Variants in GRHL1 observed in about 807,000 individuals in gnomAD.
The protein encoded by GRHL1 is grainyhead like transcription factor 1.
A neutral mutation model predicts 75.7 loss-of-function variants in GRHL1; 38 were observed. That is an observed-to-expected ratio of 0.50 (90% CI 0.39 to 0.66). GRHL1 has a LOEUF of 0.66. Among genes scored for constraint, GRHL1 ranks in the 30% least tolerant of loss-of-function variants. The pLI is 0.00. For synonymous variants in GRHL1, 266 were observed against 279.4 expected, an observed-to-expected ratio of 0.95 and a Z score of 0.48; for missense variants, 589 against 767.5, an observed-to-expected ratio of 0.77 and a Z score of 2.75.
intron 8 of GRHL1, among the ~76,000 whole-genome samples, chr2:9,978,777 G>A (rs1348386143): frequency 6.6e-6 from 1 of 152,098 alleles, no homozygotes; most frequent in Non-Finnish European, 1.5e-5. Flanking sequence ...GATCACCTGA[G>A]GTCAGGAGTT....
At chr2:9,962,388 A>G (rs752582957) in intron 4 of GRHL1, 67 bp from the exon 5 acceptor site, 1 of 867,306 alleles carries the variant, frequency 1.2e-6, no homozygotes, top group Non-Finnish European at 2.0e-6. Context: ...ATGCGGTACC[A>G]GAGCTTGGTC....
chr2:9,985,138 CTG>C (rs972323795), intron 8 of GRHL1, among the ~76,000 whole-genome samples: 3 of 151,706 alleles, frequency 2.0e-5, no homozygotes, highest in African/African-American at 7.3e-5. Flanking sequence ...ACTTTTGAAA[CTG>C]TGGGTTGAGA....
intron 10 of GRHL1, among the ~76,000 whole-genome samples, chr2:9,991,462 A>G (rs2125241537): frequency 6.6e-6 from 1 of 152,318 alleles, no homozygotes; most frequent in African/African-American, 2.4e-5. Context: ...GCAGCTGACT[A>G]ACTAGGAGAC....
At chr2:9,958,656 C>A in intron 2 of GRHL1, 130 bp from the exon 3 acceptor site, 1 of 654,138 alleles carries the variant, frequency 1.5e-6, no homozygotes, top group Non-Finnish European at 2.7e-6. Flanking sequence ...GTCCCCATAG[C>A]CTGGTGTTTG....
chr2:9,991,320 A>G (rs892056927), intron 10 of GRHL1, among the ~76,000 whole-genome samples: 6 of 152,088 alleles, frequency 3.9e-5, no homozygotes, highest in African/African-American at 1.4e-4. Context: ...GTAGGGTTCC[A>G]TCTGTAGTAC....
intron 2 of GRHL1, 129 bp from the exon 3 acceptor site, chr2:9,958,657 C>T: frequency 3.0e-6 from 2 of 657,996 alleles, no homozygotes; most frequent in Non-Finnish European, 5.4e-6. Context: ...TCCCCATAGC[C>T]TGGTGTTTGC....
chr2:9,997,202 T>C (rs1668902175), intron 14 of GRHL1, among the ~76,000 whole-genome samples: 1 of 152,208 alleles, frequency 6.6e-6, no homozygotes, highest in Non-Finnish European at 1.5e-5. Context: ...GCACTGGAGT[T>C]ATGCGCGTCA....
intron 8 of GRHL1, among the ~76,000 whole-genome samples, chr2:9,976,058 G>A (rs1030573519): frequency 6.6e-6 from 1 of 152,110 alleles, no homozygotes; most frequent in Non-Finnish European, 1.5e-5. Flanking sequence ...AAATACCACA[G>A]CAGCATGTAG....
intron 8 of GRHL1, among the ~76,000 whole-genome samples, chr2:9,967,794 GT>G (rs1034644758): frequency 9.6e-5 from 14 of 145,522 alleles, no homozygotes; most frequent in South Asian, 2.2e-4. Context: ...TGTATAGTTG[GT>G]TTTTTTTTTT....
At chr2:9,955,311 G>A (rs1045693554) in intron 2 of GRHL1, among the ~76,000 whole-genome samples, 1 of 152,232 alleles carries the variant, frequency 6.6e-6, no homozygotes. Flanking sequence ...ATGCAAAGCG[G>A]TCAGCTGCTG....
Position 9,990,623 on chromosome 2 carries a change from GT to G in GRHL1, c.1270-72del. Reference sequence around the variant, plus strand: ...GGGAGAAAGGCTTCTTCTTCCATTGGTCAGGATAAGAGTTAAATATTTTAAA... The same window carrying G: ...GGGAGAAAGGCTTCTTCTTCCATTGGCAGGATAAGAGTTAAATATTTTAAA... On this transcript the variant is annotated intron_variant, in intron 9 of 15. Transcript: ENST00000324907. The surrounding 1 kb of genome is among the most constrained non-coding windows in gnomAD (Gnocchi z 4.2). The G allele has an allele frequency of 1.1e-6, 1 of 871,838 alleles. No individual in the cohort carries two copies. Among genetic ancestry groups the G allele is most frequent in the East Asian group, 2.7e-5 (1 of 36,370 alleles). The allele number at this position is 871,838 out of a possible 1,614,324, so 54.0% of individuals were successfully genotyped here. A position where few individuals can be genotyped will look rare whatever the true frequency, so the allele number is the denominator to read the frequency against.
At chr2:9,960,439 C>CA (rs1479409966) in intron 3 of GRHL1, 1 of 143,288 alleles carries the variant, frequency 7.0e-6, no homozygotes, top group Admixed American at 7.0e-5. Context: ...GACTCTGTCT[C>CA]AAAAAAATAA....
chr2:9,964,429 G>C (rs1667403663), intron 7 of GRHL1, 83 bp downstream of exon 7: 2 of 726,670 alleles, frequency 2.8e-6, no homozygotes, highest in Non-Finnish European at 4.7e-6. Flanking sequence ...GCAGTGATCA[G>C]CTTCCTGCCG....
rs142314820 is a variant in GRHL1 at position 9,964,585 on chromosome 2, G to A, written c.1015+239G>A. The A allele has an allele frequency of 2.4e-3, 977 of 399,744 alleles. 8 individuals carry two copies. In the Middle Eastern group the frequency reaches 0.025, roughly 10 times the overall value. 24.8% of individuals were successfully genotyped at this position (399,744 alleles called of 1,614,324 possible). A position where few individuals can be genotyped will look rare whatever the true frequency, so the allele number is the denominator to read the frequency against. On this transcript the variant is annotated intron_variant, in intron 7 of 15. Coordinates refer to ENST00000324907, the MANE Select transcript of GRHL1 (RefSeq NM_198182.3). ...TTTCCACAGGACACTAGGGCCAGAA[G>A]CCATGTAGCTGGCTAACCTGAGAAT...
intron 8 of GRHL1, among the ~76,000 whole-genome samples, chr2:9,969,222 A>G (rs1667611447): frequency 6.6e-6 from 1 of 152,232 alleles, no homozygotes; most frequent in Admixed American, 6.5e-5. Flanking sequence ...CAGAGGAAAA[A>G]GAAGTTAGGG....
intron 12 of GRHL1, 37 bp downstream of exon 12, chr2:9,993,281 T>C (rs768288263): frequency 4.5e-5 from 69 of 1,527,260 alleles, no homozygotes; most frequent in Non-Finnish European, 6.1e-5. Context: ...GTTTTAATAA[T>C]GGAAATGATT....
intron 8 of GRHL1, among the ~76,000 whole-genome samples, chr2:9,980,058 T>A (rs916903093): frequency 6.6e-6 from 1 of 152,162 alleles, no homozygotes; most frequent in Non-Finnish European, 1.5e-5. Context: ...GGAGTGGGTG[T>A]GTTGGGGGTT....
Position 9,987,546 on chromosome 2 carries a change from T to A in GRHL1, c.1269+1264T>A, listed in dbSNP as rs1668476923. 6.6e-6 allele frequency among the ~76,000 whole-genome samples: 1 copy of A among 152,100 alleles called. No individual in the cohort carries two copies. ...GCCCTCTTCCCCAAAGGCCCTTCAATAAGCATGGGGAAGGAGAGGTGCGGA... is the reference window on the plus strand; with the variant it reads ...GCCCTCTTCCCCAAAGGCCCTTCAAAAAGCATGGGGAAGGAGAGGTGCGGA... On this transcript the variant is annotated intron_variant, in intron 9 of 15. Coordinates refer to ENST00000324907, the MANE Select transcript of GRHL1 (RefSeq NM_198182.3). This position sits in a 1 kb window ranked among gnomAD's most constrained non-coding sequence, Gnocchi z 4.2.
Position 9,961,087 on chromosome 2 carries a change from C to T in GRHL1, c.320C>T (p.Ala107Val). The change falls in exon 4 of 16, where the codon GCT (alanine) becomes GTT (valine). Residue 107 changes from alanine to valine, a missense_variant. Physicochemically the swap from Ala to Val is moderately conservative, Grantham distance 64. Coordinates refer to ENST00000324907, the MANE Select transcript of GRHL1 (RefSeq NM_198182.3). ...PIVTEQPLIS[A>V]GENRVQVLKN... Reference sequence around the variant, plus strand: ...GTGACAGAGCAGCCCCTCATCTCTGCTGGAGAAAACAGAGTGCAAGTACTG... The same window carrying T: ...GTGACAGAGCAGCCCCTCATCTCTGTTGGAGAAAACAGAGTGCAAGTACTG... 1 of 1,559,606 alleles carries T rather than the reference C, an allele frequency of 6.4e-7. No homozygotes were observed. The highest frequency in any genetic ancestry group is 8.7e-7 in the Non-Finnish European group (1 of 1,150,768).
Sources: gnomAD v4.1 joint callset for allele counts (sites outside exome capture counted in the v4.1 genomes callset) on GRCh38, gnomAD v4.1.1 for gene constraint, Gnocchi (gnomAD v3.1) non-coding constraint, MANE v1.5 for transcripts, NCBI Gene and HGNC (gene_info 2026-07-23, HGNC 2026-07-21) for gene names.